Variants in NPR3 observed in about 807,000 individuals in gnomAD.
NPR3 encodes atrial natriuretic peptide receptor 3.
A neutral mutation model predicts 54.5 loss-of-function variants in NPR3; 34 were observed. That is an observed-to-expected ratio of 0.62 (90% CI 0.47 to 0.83). NPR3 has a LOEUF of 0.83. NPR3 is among the 40% of genes least tolerant of loss of function. The pLI is 0.00. For missense variants in NPR3, 674 were observed against 720.8 expected (o/e 0.94, Z 0.74); for synonymous variants, 289 against 297.1 (o/e 0.97, Z 0.28).
At chr5:32,750,323 A>C (rs1740512711) in intron 3 of NPR3, among the ~76,000 whole-genome samples, 3 of 152,042 alleles carry the variant, frequency 2.0e-5, no homozygotes. Context: ...TTTAGTAGAG[A>C]CAGGGTTTCA....
chr5:32,724,761 G>C lies in NPR3; in HGVS notation c.833G>C (p.Gly278Ala). 6.2e-7 allele frequency: 1 copy of C among 1,613,890 alleles called. No homozygotes were observed. Among genetic ancestry groups the C allele is most frequent in the Non-Finnish European group, 8.5e-7 (1 of 1,179,852 alleles). Reference sequence around the variant, plus strand: ...ATCATGCTGGTGGCGCACAGGCATGGCATGACCAGTGGAGACTACGCCTTC... The same window carrying C: ...ATCATGCTGGTGGCGCACAGGCATGCCATGACCAGTGGAGACTACGCCTTC... The part of the protein sequence containing the change: ...RSIMLVAHRH[G>A]MTSGDYAFFN... Residue 278 changes from glycine (G) to alanine (A), a missense_variant, in exon 2 of 8, where the codon GGC becomes GCC. Physicochemically the swap from Gly to Ala is moderately conservative, Grantham distance 60 (BLOSUM62 0). Transcript: ENST00000265074.
intron 3 of NPR3, among the ~76,000 whole-genome samples, chr5:32,761,581 T>A (rs779331083): frequency 1.9e-4 from 29 of 152,080 alleles, no homozygotes; most frequent in Non-Finnish European, 3.8e-4. Context: ...ACTCTTCTGC[T>A]GTCTCTAATC....
intron 4 of NPR3, among the ~76,000 whole-genome samples, chr5:32,778,905 G>A (rs1742201441): frequency 6.6e-6 from 1 of 152,162 alleles, no homozygotes; most frequent in Non-Finnish European, 1.5e-5. Flanking sequence ...AATGGTTTTG[G>A]ATAGCCAATA....
At chr5:32,714,177 G>A (rs1231623404) in intron 1 of NPR3, among the ~76,000 whole-genome samples, 1 of 152,034 alleles carries the variant, frequency 6.6e-6, no homozygotes, top group Admixed American at 6.5e-5. Context: ...CTGGGACTGG[G>A]GGTGTGTCCC....
intron 4 of NPR3, 28 bp downstream of exon 4, chr5:32,774,871 CA>C (rs1244768596): frequency 6.4e-7 from 1 of 1,573,076 alleles, no homozygotes; most frequent in Admixed American, 1.7e-5. Context: ...AAGGCAATTA[CA>C]TGGGGCCAAA....
At chr5:32,705,179 A>G (rs1737953274), upstream of NPR3, among the ~76,000 whole-genome samples, 2 of 152,222 alleles carry the variant, frequency 1.3e-5, no homozygotes, top group African/African-American at 2.4e-5. Context: ...TGCTTTAAAA[A>G]AAGCTTGTGG....
chr5:32,711,289 C>G, upstream of NPR3: 1 of 985,380 alleles, frequency 1.0e-6, no homozygotes. Context: ...CGCTGCCACG[C>G]TATTTAAACG....
chr5:32,701,771 A>G (rs528942611), intron 1 of NPR3, among the ~76,000 whole-genome samples: 1 of 152,320 alleles, frequency 6.6e-6, no homozygotes, highest in Admixed American at 6.5e-5. Context: ...GCTTTTGCAG[A>G]CTTATATAGG....
rs700921 is a variant in NPR3 at position 32,728,502 on chromosome 5, A to G, written c.892+3682A>G. 6.2e-3 allele frequency among the ~76,000 whole-genome samples: 930 copies of G among 150,254 alleles called. 9 individuals are homozygous for G. The highest frequency in any genetic ancestry group is 0.022 in the African/African-American group (896 of 40,968). On this transcript the variant is annotated intron_variant, in intron 2 of 7. Coordinates refer to ENST00000265074, the MANE Select transcript of NPR3 (RefSeq NM_001204375.2). ...AAAAGAGTCTTTTTCTTGGGATAGTATTGCCAGATTTTAATATCAGGTTCT... is the reference window on the plus strand; with the variant it reads ...AAAAGAGTCTTTTTCTTGGGATAGTGTTGCCAGATTTTAATATCAGGTTCT...
chr5:32,708,883 T>C (rs1438617613), upstream of NPR3, among the ~76,000 whole-genome samples: 1 of 152,196 alleles, frequency 6.6e-6, no homozygotes, highest in Admixed American at 6.5e-5. Flanking sequence ...AAGGGGTGTT[T>C]TGAGCTTCAG....
intron 1 of NPR3, 54 bp from the exon 2 acceptor site, chr5:32,724,644 C>T: frequency 6.2e-7 from 1 of 1,608,004 alleles, no homozygotes; most frequent in Non-Finnish European, 8.5e-7. Flanking sequence ...TGTCAGCATG[C>T]TCGAAGTGCT....
intron 3 of NPR3, among the ~76,000 whole-genome samples, chr5:32,767,459 G>A (rs573953246): frequency 1.4e-4 from 21 of 152,336 alleles, no homozygotes; most frequent in Admixed American, 2.6e-4. Flanking sequence ...TTCAATAAAA[G>A]TTGGCTATTA....
intron 1 of NPR3, among the ~76,000 whole-genome samples, chr5:32,691,656 A>G (rs1245558488): frequency 6.6e-6 from 1 of 152,252 alleles, no homozygotes; most frequent in Non-Finnish European, 1.5e-5. Context: ...CATTTTGCAG[A>G]GTAATCTGGC....
chr5:32,781,079 A>G (rs534491168), intron 5 of NPR3, among the ~76,000 whole-genome samples: 2 of 152,298 alleles, frequency 1.3e-5, no homozygotes, highest in South Asian at 2.1e-4. Flanking sequence ...TAAAATCAGT[A>G]AAGTGAAACT....
chr5:32,747,109 C>T (rs549376048), intron 3 of NPR3, among the ~76,000 whole-genome samples: 5 of 152,292 alleles, frequency 3.3e-5, no homozygotes, highest in African/African-American at 1.2e-4. Context: ...CCATTCTCTA[C>T]TTCTAACTCC....
At chr5:32,691,999 T>A (rs1031648) in intron 1 of NPR3, among the ~76,000 whole-genome samples, 52,121 of 152,050 alleles carry the variant, frequency 0.34, 9,245 homozygotes, top group Middle Eastern at 0.46. Context: ...TTTCAGGAAA[T>A]CAGATCTATT....
rs565094413 is a variant in NPR3 at position 32,783,010 on chromosome 5, A to G, written c.1408A>G (p.Ser470Gly). ...AAACCGAATTGTAGAGCATACAAACAGCTCTCCCTGCAAATCATGTAAGTC... is the reference window on the plus strand; with the variant it reads ...AAACCGAATTGTAGAGCATACAAACGGCTCTCCCTGCAAATCATGTAAGTC... ...DENRIVEHTN[S>G]SPCKSSGGLE... Residue 470 changes from serine to glycine, a missense_variant, in exon 6 of 8, where the codon AGC (serine) becomes GGC (glycine). Transcript: ENST00000265074. 6.2e-7 allele frequency: 1 copy of G among 1,602,468 alleles called. No homozygotes were observed. The highest frequency in any genetic ancestry group is 1.7e-5 in the Admixed American group (1 of 58,294).
chr5:32,734,924 C>T (rs1289568909), intron 2 of NPR3, among the ~76,000 whole-genome samples: 3 of 152,204 alleles, frequency 2.0e-5, no homozygotes, highest in Non-Finnish European at 4.4e-5. Flanking sequence ...GGTGACACAG[C>T]ATTCTTCTGG....
intron 3 of NPR3, among the ~76,000 whole-genome samples, chr5:32,745,641 C>G (rs1457347335): frequency 6.6e-6 from 1 of 152,210 alleles, no homozygotes; most frequent in African/African-American, 2.4e-5. Context: ...GTCTCAGGCT[C>G]TACACGTGAG....
Sources: gnomAD v4.1 joint callset for allele counts (sites outside exome capture counted in the v4.1 genomes callset) on GRCh38, gnomAD v4.1.1 for gene constraint, MANE v1.5 for transcripts, NCBI Gene and HGNC (gene_info 2026-07-23, HGNC 2026-07-21) for gene names.